MED12L: variants seen among roughly 807,000 people sequenced by gnomAD.
MED12L encodes the protein mediator of RNA polymerase II transcription subunit 12-like protein.
A neutral mutation model predicts 281.3 loss-of-function variants in MED12L; 60 were observed. The observed-to-expected ratio is 0.21, with a 90% CI of 0.17 to 0.26. The LOEUF is 0.26. Among genes scored for constraint, MED12L ranks in the 10% least tolerant of loss-of-function variants. MED12L has a pLI of 1.00. For synonymous variants in MED12L, 974 were observed against 987.2 expected, an observed-to-expected ratio of 0.99 and a Z score of 0.25; for missense variants, 2,146 against 2,680.9, an observed-to-expected ratio of 0.80 and a Z score of 4.41.
chr3:151,395,070 A>T (rs896040413), intron 39 of MED12L, among the ~76,000 whole-genome samples: 14 of 152,226 alleles, frequency 9.2e-5, no homozygotes, highest in Admixed American at 6.5e-5. Flanking sequence ...TAAGAATTTG[A>T]TATGTCTTAG....
At chr3:151,247,330 A>G (rs1272254736) in intron 16 of MED12L, among the ~76,000 whole-genome samples, 1 of 152,138 alleles carries the variant, frequency 6.6e-6, no homozygotes, top group Non-Finnish European at 1.5e-5. Flanking sequence ...TTATTGTGGC[A>G]TTATTCACAA....
intron 16 of MED12L, among the ~76,000 whole-genome samples, chr3:151,323,608 T>C (rs141075720): frequency 1.9e-3 from 292 of 152,306 alleles, no homozygotes; most frequent in Admixed American, 2.5e-3. Flanking sequence ...AAGTTCCAGT[T>C]CAAATTTCCA....
At chr3:151,257,191 T>C (rs541907502) in intron 16 of MED12L, among the ~76,000 whole-genome samples, 6 of 152,368 alleles carry the variant, frequency 3.9e-5, no homozygotes, top group African/African-American at 1.2e-4. Flanking sequence ...AGCATATTTA[T>C]GTAGTTTCTT....
intron 16 of MED12L, among the ~76,000 whole-genome samples, chr3:151,279,128 A>G (rs1415690626): frequency 6.6e-6 from 1 of 152,238 alleles, no homozygotes. Context: ...AGATGGCTAC[A>G]AAGTCCTCTT....
intron 2 of MED12L, among the ~76,000 whole-genome samples, chr3:151,109,256 C>G (rs1232987328): frequency 6.6e-6 from 1 of 152,082 alleles, no homozygotes; most frequent in African/African-American, 2.4e-5. Flanking sequence ...GGGGTTTCAC[C>G]GTGTTAGCCA....
Position 151,436,228 on chromosome 3 carries a change from T to C in MED12L, c.*3424T>C, listed in dbSNP as rs577489605. The C allele has an allele frequency of 1.3e-5, 2 of 153,688 alleles. No homozygotes were observed. Among genetic ancestry groups the C allele is most frequent in the African/African-American group, 2.4e-5 (1 of 41,410 alleles). 9.5% of individuals were successfully genotyped at this position (153,688 alleles called of 1,614,324 possible). A position where few individuals can be genotyped will look rare whatever the true frequency, so the allele number is the denominator to read the frequency against. Reference sequence around the variant, plus strand: ...TTTTCTGTAGGTTTTAGCAAAAAAATTTATAAACCACAAAATATTTATACA... The same window carrying C: ...TTTTCTGTAGGTTTTAGCAAAAAAACTTATAAACCACAAAATATTTATACA... On this transcript the variant is annotated 3_prime_UTR_variant, in exon 45 of 45. Coordinates refer to ENST00000687756, the MANE Select transcript of MED12L (RefSeq NM_001393769.1).
At chr3:151,344,561 G>A (rs1240762034) in intron 16 of MED12L, among the ~76,000 whole-genome samples, 3 of 152,104 alleles carry the variant, frequency 2.0e-5, no homozygotes, top group Non-Finnish European at 4.4e-5. Context: ...GGTTTTTACT[G>A]CTTTTCTTAG....
At chr3:151,315,628 C>G (rs1334597858) in intron 16 of MED12L, among the ~76,000 whole-genome samples, 1 of 152,114 alleles carries the variant, frequency 6.6e-6, no homozygotes, top group Non-Finnish European at 1.5e-5. Context: ...CCTCTTTGAT[C>G]CCTAACTTCA....
chr3:151,423,966 A>T (rs1343107746), intron 43 of MED12L, among the ~76,000 whole-genome samples: 1 of 152,226 alleles, frequency 6.6e-6, no homozygotes, highest in African/African-American at 2.4e-5. Context: ...AGCAGTAGTT[A>T]CTTAATTACA....
Position 151,435,505 on chromosome 3 carries a change from C to G in MED12L, c.*2701C>G, listed in dbSNP as rs6771502. ...TCAGTGTGATGAAAACCCAAGGGCG[C>G]TATTCCACATGTCTCAAATGATTGG... On this transcript the variant is annotated 3_prime_UTR_variant, in exon 45 of 45. Coordinates refer to ENST00000687756, the MANE Select transcript of MED12L (RefSeq NM_001393769.1). The G allele has an allele frequency of 0.13, 19,590 of 152,034 alleles. 1,618 individuals carry two copies. Among genetic ancestry groups the G allele is most frequent in the East Asian group, 0.4 (2,038 of 5,150 alleles). The allele number at this position is 152,034 out of a possible 1,614,324, so 9.4% of individuals were successfully genotyped here. A position where few individuals can be genotyped will look rare whatever the true frequency, so the allele number is the denominator to read the frequency against.
At chr3:151,121,038 C>T (rs1576770229) in intron 3 of MED12L, among the ~76,000 whole-genome samples, 2 of 152,160 alleles carry the variant, frequency 1.3e-5, no homozygotes, top group East Asian at 1.9e-4. Flanking sequence ...ATTTTTAGAG[C>T]TCTGCTTGTT....
Position 151,127,795 on chromosome 3 carries a change from T to C in MED12L, c.397-30T>C, listed in dbSNP as rs754029385. The C allele has an allele frequency of 2.7e-6, 4 of 1,494,348 alleles. No individual in the cohort carries two copies. In the African/African-American group the frequency reaches 4.2e-5, roughly 16 times the overall value. 92.6% of individuals were successfully genotyped at this position (1,494,348 alleles called of 1,614,324 possible). A position where few individuals can be genotyped will look rare whatever the true frequency, so the allele number is the denominator to read the frequency against. On this transcript the variant is annotated intron_variant, in intron 4 of 44. Coordinates refer to ENST00000687756, the MANE Select transcript of MED12L (RefSeq NM_001393769.1). ...TAGTGATGAACACAGTACGTGATTA[T>C]TATAAATATACTATGTTGTTTCTTT...
intron 43 of MED12L, among the ~76,000 whole-genome samples, chr3:151,428,365 C>T (rs1221427079): frequency 6.6e-6 from 1 of 152,132 alleles, no homozygotes; most frequent in African/African-American, 2.4e-5. Context: ...TTATTTTTCA[C>T]TCTTGATTTG....
At chr3:151,329,337 T>C (rs1750083251) in intron 16 of MED12L, 2 of 599,164 alleles carry the variant, frequency 3.3e-6, no homozygotes, top group Non-Finnish European at 6.0e-6. Flanking sequence ...TTATTACTAA[T>C]ACATCAGATT....
intron 16 of MED12L, chr3:151,328,163 G>A (rs771759173): frequency 6.2e-7 from 1 of 1,612,872 alleles, no homozygotes; most frequent in Non-Finnish European, 8.5e-7. Flanking sequence ...TGTTTCTTTA[G>A]CAATAAACAG....
At chr3:151,199,192 C>T in intron 16 of MED12L, 1 of 1,614,048 alleles carries the variant, frequency 6.2e-7, no homozygotes, top group Non-Finnish European at 8.5e-7. Context: ...CTGGTAATGC[C>T]AGAGTAAGCA....
intron 5 of MED12L, among the ~76,000 whole-genome samples, chr3:151,149,118 T>C (rs747436124): frequency 1.3e-5 from 2 of 152,176 alleles, no homozygotes; most frequent in African/African-American, 4.8e-5. Flanking sequence ...GGTGTATTGA[T>C]TGAAATCAAT....
intron 11 of MED12L, among the ~76,000 whole-genome samples, chr3:151,172,332 C>A (rs1269903238): frequency 6.6e-6 from 1 of 152,146 alleles, no homozygotes; most frequent in Non-Finnish European, 1.5e-5. Flanking sequence ...ATTTATAGTT[C>A]CCAGCATGTA....
intron 5 of MED12L, among the ~76,000 whole-genome samples, chr3:151,135,296 C>T (rs1034183326): frequency 2.6e-5 from 4 of 152,204 alleles, no homozygotes; most frequent in African/African-American, 4.8e-5. Context: ...GGATTACAGG[C>T]GTGAGCTACC....
Sources: gnomAD v4.1 joint callset for allele counts (sites outside exome capture counted in the v4.1 genomes callset) on GRCh38, gnomAD v4.1.1 for gene constraint, MANE v1.5 for transcripts, NCBI Gene and HGNC (gene_info 2026-07-23, HGNC 2026-07-21) for gene names.